TNR: variants seen among roughly 807,000 people sequenced by gnomAD.
TNR encodes tenascin R.
Under a neutral mutation model 150.4 loss-of-function variants are expected in TNR, and 45 were observed. The ratio of observed to expected loss-of-function variants is 0.30; its 90% confidence interval spans 0.24 to 0.38. TNR has a LOEUF of 0.38. TNR is among the 10% of genes least tolerant of loss of function. TNR has a pLI of 1.00. For synonymous variants in TNR, 687 were observed against 678.4 expected (o/e 1.01, Z -0.20); for missense variants, 1,544 against 1,759.1 (o/e 0.88, Z 2.19).
intron 1 of TNR, among the ~76,000 whole-genome samples, chr1:175,571,894 G>C (rs1661888053): frequency 6.6e-6 from 1 of 152,198 alleles, no homozygotes; most frequent in African/African-American, 2.4e-5. Flanking sequence ...CAGAGTCCAA[G>C]TGAAACTTTA....
chr1:175,352,609 T>TGAC (rs1557879879), intron 18 of TNR, among the ~76,000 whole-genome samples: 2 of 152,126 alleles, frequency 1.3e-5, no homozygotes, highest in Admixed American at 1.3e-4. Context: ...GGAGCATAAT[T>TGAC]GACTCCAGCC....
At chr1:175,593,694 C>A (rs770328910) in intron 1 of TNR, among the ~76,000 whole-genome samples, 33 of 152,242 alleles carry the variant, frequency 2.2e-4, no homozygotes, top group Middle Eastern at 3.4e-3. Context: ...TCACTAGCAG[C>A]CCCAGAGTCT....
intron 1 of TNR, among the ~76,000 whole-genome samples, chr1:175,625,256 C>T (rs1478943315): frequency 6.6e-6 from 1 of 152,198 alleles, no homozygotes; most frequent in Non-Finnish European, 1.5e-5. Context: ...GATTTTTCTG[C>T]CCATTCTTTC....
chr1:175,527,310 C>T (rs1659882731), intron 2 of TNR, among the ~76,000 whole-genome samples: 3 of 152,158 alleles, frequency 2.0e-5, no homozygotes, highest in African/African-American at 4.8e-5. Flanking sequence ...GCATGGGGTA[C>T]TTTGTAGTCA....
rs189427666 is a variant in TNR, at chr1:175,322,621, A to G, written c.*736T>C. ...AGTGAGACCCCCATCTCTACAAAAA[A>G]TAAAAGAAAAATCAGCCAGGTATGG... On this transcript the variant is annotated 3_prime_UTR_variant, in exon 23 of 23. Coordinates refer to ENST00000367674, the MANE Select transcript of TNR (RefSeq NM_003285.3). 43 of 152,400 alleles carry G rather than the reference A, an allele frequency of 2.8e-4. No homozygotes were observed. Among genetic ancestry groups the G allele is most frequent in the African/African-American group, 9.9e-4 (41 of 41,574 alleles). 9.4% of individuals were successfully genotyped at this position (152,400 alleles called of 1,614,324 possible).
rs545211176 is a variant in TNR at position 175,349,076 on chromosome 1, G to T, written c.3382+5315C>A. ...CTATGAGATTATCAAAAATGACAAA[G>T]CCAGGCCATGTCAAGGCATTTGGAA... On this transcript the variant is annotated intron_variant, in intron 18 of 22. Transcript: ENST00000367674. Among the ~76,000 whole-genome samples, 8 of 152,248 alleles carry T rather than the reference G, an allele frequency of 5.3e-5. No individual in the cohort carries two copies. In the East Asian group the frequency reaches 1.5e-3, roughly 29 times the overall value.
At chr1:175,704,952 G>A (rs1248518684) in intron 1 of TNR, among the ~76,000 whole-genome samples, 1 of 152,112 alleles carries the variant, frequency 6.6e-6, no homozygotes, top group Non-Finnish European at 1.5e-5. Context: ...GAGGGGACGG[G>A]GGATGTTTTG....
intron 1 of TNR, among the ~76,000 whole-genome samples, chr1:175,721,860 C>T (rs1157332664): frequency 7.2e-6 from 1 of 139,168 alleles, no homozygotes; most frequent in African/African-American, 2.6e-5. Flanking sequence ...ACCCCACTGA[C>T]CAGCCTGCCT....
At chr1:175,514,879 G>A (rs772323995) in intron 2 of TNR, among the ~76,000 whole-genome samples, 14 of 152,194 alleles carry the variant, frequency 9.2e-5, no homozygotes, top group Non-Finnish European at 1.8e-4. Context: ...CCTGAGGAAG[G>A]CAACATGGTC....
At chr1:175,589,400 A>C (rs1399420865) in intron 1 of TNR, among the ~76,000 whole-genome samples, 2 of 152,196 alleles carry the variant, frequency 1.3e-5, no homozygotes, top group South Asian at 2.1e-4. Context: ...ACTTTGGATA[A>C]TTAGAGGTTT....
chr1:175,727,175 A>C (rs1332782824), intron 1 of TNR, among the ~76,000 whole-genome samples: 1 of 152,254 alleles, frequency 6.6e-6, no homozygotes, highest in Non-Finnish European at 1.5e-5. Context: ...GGAGTCAAAA[A>C]AATTGTGAAT....
chr1:175,726,060 A>G (rs1667468901), intron 1 of TNR, among the ~76,000 whole-genome samples: 1 of 152,250 alleles, frequency 6.6e-6, no homozygotes, highest in Admixed American at 6.5e-5. Flanking sequence ...CGTCTTTCAT[A>G]GAATGGACAA....
At chr1:175,473,519 G>C (rs576458443) in intron 2 of TNR, among the ~76,000 whole-genome samples, 3 of 152,312 alleles carry the variant, frequency 2.0e-5, no homozygotes, top group African/African-American at 7.2e-5. Context: ...TCTAGGATGG[G>C]AAAAATGACC....
At chr1:175,585,378 G>C (rs1662524604) in intron 1 of TNR, among the ~76,000 whole-genome samples, 1 of 152,204 alleles carries the variant, frequency 6.6e-6, no homozygotes, top group Non-Finnish European at 1.5e-5. Flanking sequence ...CAAAATGTTA[G>C]AGAAAATCGT....
chr1:175,462,731 A>G (rs1030992740), intron 2 of TNR, among the ~76,000 whole-genome samples: 1 of 152,196 alleles, frequency 6.6e-6, no homozygotes, highest in African/African-American at 2.4e-5. Flanking sequence ...ATTTATCCTG[A>G]CAAGGTGAGT....
At chr1:175,350,624 T>C (rs1557878950) in intron 18 of TNR, among the ~76,000 whole-genome samples, 1 of 152,216 alleles carries the variant, frequency 6.6e-6, no homozygotes, top group Non-Finnish European at 1.5e-5. Flanking sequence ...GCTATTAACA[T>C]GAAGGAAAGA....
chr1:175,365,871 G>T lies in TNR; in HGVS notation c.2317+4C>A, dbSNP rs765199744. ...CCTGGCTGGGATTTCTGCTGCTCTGGTACCTGTGAAAGCATCCACAGTGGA... is the reference window on the plus strand; with the variant it reads ...CCTGGCTGGGATTTCTGCTGCTCTGTTACCTGTGAAAGCATCCACAGTGGA... On this transcript the variant is annotated splice_donor_region_variant and intron_variant, in intron 11 of 22. Coordinates refer to ENST00000367674, the MANE Select transcript of TNR (RefSeq NM_003285.3). The T allele has an allele frequency of 1.2e-6, 2 of 1,612,714 alleles. No homozygotes were observed. Among genetic ancestry groups the T allele is most frequent in the Non-Finnish European group, 1.7e-6 (2 of 1,179,202 alleles).
At chr1:175,577,823 G>A (rs113824033) in intron 1 of TNR, among the ~76,000 whole-genome samples, 5 of 152,234 alleles carry the variant, frequency 3.3e-5, no homozygotes, top group Non-Finnish European at 4.4e-5. Flanking sequence ...CTATATTCCC[G>A]AGCCTATTAG....
chr1:175,511,232 C>G (rs1476922549), intron 2 of TNR, among the ~76,000 whole-genome samples: 1 of 152,180 alleles, frequency 6.6e-6, no homozygotes, highest in Admixed American at 6.5e-5. Context: ...AACAACAGAG[C>G]ATGCATAGCA....
Sources: gnomAD v4.1 joint callset for allele counts (sites outside exome capture counted in the v4.1 genomes callset) on GRCh38, gnomAD v4.1.1 for gene constraint, MANE v1.5 for transcripts, NCBI Gene and HGNC (gene_info 2026-07-23, HGNC 2026-07-21) for gene names.